The following TAFA1 variants were observed in gnomAD, a reference collection of about 807,000 sequenced individuals.
TAFA1 encodes the protein chemokine-like protein TAFA-1.
In TAFA1, 4 loss-of-function variants were observed where a neutral mutation model predicts 18.5. The observed-to-expected ratio is 0.22, with a 90% CI of 0.11 to 0.49. TAFA1 has a LOEUF of 0.49. Ranked by LOEUF, TAFA1 falls within the 20% of genes least tolerant of loss-of-function variation. The pLI, the probability that TAFA1 is intolerant of heterozygous loss-of-function variation, is 0.98. For missense variants in TAFA1, 147 were observed against 169.0 expected, an observed-to-expected ratio of 0.87 and a Z score of 0.72; for synonymous variants, 56 against 55.2, an observed-to-expected ratio of 1.01 and a Z score of -0.06.
At chr3:68,035,824 G>A (rs1255458713) in intron 2 of TAFA1, among the ~76,000 whole-genome samples, 1 of 152,176 alleles carries the variant, frequency 6.6e-6, no homozygotes, top group Admixed American at 6.6e-5. Flanking sequence ...GTGCAGCCAC[G>A]CAATGTAATG....
intron 2 of TAFA1, among the ~76,000 whole-genome samples, chr3:68,314,427 C>T (rs1468020518): frequency 6.6e-6 from 1 of 152,078 alleles, no homozygotes; most frequent in Non-Finnish European, 1.5e-5. Flanking sequence ...CTGTCACTTC[C>T]TCAGTTCCCT....
Position 68,101,758 on chromosome 3 carries a change from G to A in TAFA1, c.118+95014G>A, listed in dbSNP as rs187441173. ...ACGGTTTCTCTTGGGAAGACTTCAGGTATTTTAGAGTAGAGTCATGTCATG... is the reference window on the plus strand; with the variant it reads ...ACGGTTTCTCTTGGGAAGACTTCAGATATTTTAGAGTAGAGTCATGTCATG... On this transcript the variant is annotated intron_variant, in intron 2 of 4. Coordinates refer to ENST00000478136, the MANE Select transcript of TAFA1 (RefSeq NM_213609.4). Among the ~76,000 whole-genome samples, 25 of 152,222 alleles carry A rather than the reference G, an allele frequency of 1.6e-4. No homozygotes were observed. The East Asian group carries it at 4.6e-3, about 28-fold the overall frequency.
In TAFA1 at chr3:68,391,389, G is replaced by A. The variant is rs533325074; in HGVS notation, c.119-25891G>A. On this transcript the variant is annotated intron_variant, in intron 2 of 4. Coordinates refer to ENST00000478136, the MANE Select transcript of TAFA1 (RefSeq NM_213609.4). Reference sequence around the variant, plus strand: ...TGAAAAGACCAGACCTATGTTTGGTGTACCTGAAAGTGACAGGGAGAATGG... The same window carrying A: ...TGAAAAGACCAGACCTATGTTTGGTATACCTGAAAGTGACAGGGAGAATGG... 3.3e-5 allele frequency among the ~76,000 whole-genome samples: 5 copies of A among 152,268 alleles called. No individual in the cohort carries two copies. In the South Asian group the frequency reaches 8.3e-4, roughly 25 times the overall value.
intron 2 of TAFA1, among the ~76,000 whole-genome samples, chr3:68,381,646 C>T (rs2069959844): frequency 6.6e-6 from 1 of 152,172 alleles, no homozygotes; most frequent in Non-Finnish European, 1.5e-5. Flanking sequence ...GCTGAAGTTG[C>T]TTATCAGCTT....
intron 2 of TAFA1, among the ~76,000 whole-genome samples, chr3:68,071,158 G>A (rs775536533): frequency 2.0e-5 from 3 of 152,226 alleles, no homozygotes; most frequent in Non-Finnish European, 4.4e-5. Context: ...ATTTATACAG[G>A]AAAAAGGGTT....
intron 3 of TAFA1, among the ~76,000 whole-genome samples, chr3:68,464,700 A>G (rs936617495): frequency 7.2e-5 from 11 of 152,166 alleles, no homozygotes; most frequent in Admixed American, 6.6e-4. Context: ...GTGACATTAT[A>G]TGATTTGTTT....
chr3:68,502,081 T>G (rs539294452), intron 3 of TAFA1, among the ~76,000 whole-genome samples: 1 of 152,140 alleles, frequency 6.6e-6, no homozygotes, highest in Admixed American at 6.6e-5. Flanking sequence ...TGAGAAAACC[T>G]TGAAGGGCTT....
rs1353493315 is a variant in TAFA1, at chr3:68,479,241, A to AAAAATATAT, written c.260-59514_260-59513insAAATATATA. Among the ~76,000 whole-genome samples the AAAAATATAT allele has an allele frequency of 9.4e-3, 1,164 of 123,510 alleles. 42 individuals are homozygous for AAAAATATAT. The highest frequency in any genetic ancestry group is 0.049 in the East Asian group (194 of 3,998). 81.0% of individuals were successfully genotyped at this position (123,510 alleles called of 152,430 possible). A position where few individuals can be genotyped will look rare whatever the true frequency, so the allele number is the denominator to read the frequency against. On this transcript the variant is annotated intron_variant, in intron 3 of 4. Transcript: ENST00000478136. Reference sequence around the variant, plus strand: ...TGAGACTCCATCTCAAAAAAAAAAAAATATATATATATATATATATATGTC... The same window carrying AAAAATATAT: ...TGAGACTCCATCTCAAAAAAAAAAAAAAAATATATATATATATATATATATATATATGTC...
intron 2 of TAFA1, among the ~76,000 whole-genome samples, chr3:68,299,289 GC>G (rs1366059377): frequency 6.6e-6 from 1 of 152,232 alleles, no homozygotes; most frequent in Admixed American, 6.5e-5. Context: ...CCCTAGCTAT[GC>G]TTTAGCAAAG....
chr3:68,130,783 T>G (rs1293780299), intron 2 of TAFA1, among the ~76,000 whole-genome samples: 1 of 152,188 alleles, frequency 6.6e-6, no homozygotes, highest in Non-Finnish European at 1.5e-5. Flanking sequence ...AAAGCCTCCC[T>G]TCTCACCAGC....
intron 2 of TAFA1, among the ~76,000 whole-genome samples, chr3:68,260,621 C>A (rs1460210447): frequency 6.6e-6 from 1 of 152,046 alleles, no homozygotes; most frequent in Non-Finnish European, 1.5e-5. Context: ...TGCCGCATAT[C>A]TACAACCATC....
At chr3:68,496,492 T>C (rs1296739951) in intron 3 of TAFA1, among the ~76,000 whole-genome samples, 1 of 152,132 alleles carries the variant, frequency 6.6e-6, no homozygotes, top group Non-Finnish European at 1.5e-5. Flanking sequence ...GTTCTCCAGT[T>C]AACAGACTTA....
At chr3:68,244,429 TA>T (rs2067039940) in intron 2 of TAFA1, among the ~76,000 whole-genome samples, 1 of 152,216 alleles carries the variant, frequency 6.6e-6, no homozygotes. Context: ...AATTTTCCTA[TA>T]AGGTGTGAGA....
At chr3:68,398,914 G>A (rs998804876) in intron 2 of TAFA1, among the ~76,000 whole-genome samples, 3 of 152,048 alleles carry the variant, frequency 2.0e-5, no homozygotes, top group Non-Finnish European at 4.4e-5. Flanking sequence ...TCTAAAAATT[G>A]CATTCTTTTA....
chr3:68,172,513 G>A (rs2066068945), intron 2 of TAFA1, among the ~76,000 whole-genome samples: 1 of 152,224 alleles, frequency 6.6e-6, no homozygotes, highest in South Asian at 2.1e-4. Flanking sequence ...GTTAAACATA[G>A]CACTGCCATG....
At position 68,350,088 on chromosome 3, in the gene TAFA1, A is replaced by G. The variant is rs1388078643; in HGVS notation, c.119-67192A>G. Among the ~76,000 whole-genome samples the G allele has an allele frequency of 2.0e-5, 3 of 152,282 alleles. No homozygotes were observed. The East Asian group carries it at 5.8e-4, about 29-fold the overall frequency. On this transcript the variant is annotated intron_variant, in intron 2 of 4. Coordinates refer to ENST00000478136, the MANE Select transcript of TAFA1 (RefSeq NM_213609.4). ...CGTGCATATGTATAGTTATTGCTAT[A>G]AGTAGCAAATGTTATCTTAAAAACT...
At chr3:68,533,966 G>A (rs1228054084) in intron 3 of TAFA1, among the ~76,000 whole-genome samples, 4 of 151,960 alleles carry the variant, frequency 2.6e-5, no homozygotes, top group Non-Finnish European at 5.9e-5. Flanking sequence ...AAACAAAATT[G>A]GTCTAATGAC....
At chr3:68,057,840 G>A (rs1356941101) in intron 2 of TAFA1, among the ~76,000 whole-genome samples, 1 of 152,128 alleles carries the variant, frequency 6.6e-6, no homozygotes, top group Non-Finnish European at 1.5e-5. Context: ...AGAGGAAGTG[G>A]TCATGAACCA....
chr3:68,034,097 C>G (rs961738168), intron 2 of TAFA1, among the ~76,000 whole-genome samples: 1 of 152,156 alleles, frequency 6.6e-6, no homozygotes, highest in Non-Finnish European at 1.5e-5. Context: ...AAATTGCCTA[C>G]TTGCTACCCA....
Sources: allele counts gnomAD v4.1 joint callset (sites outside exome capture counted in the v4.1 genomes callset), GRCh38; gene constraint gnomAD v4.1.1; transcripts MANE v1.5; gene names NCBI Gene and HGNC (gene_info 2026-07-23, HGNC 2026-07-21).